Variants in CSNK2A2IP observed in about 807,000 individuals in gnomAD.
CSNK2A2IP encodes the protein casein kinase 2 subunit alpha' interacting protein.
chr3:88,457,212 C>T, the CSNK2A2IP span, among the ~76,000 whole-genome samples: 2 of 152,060 alleles, frequency 1.3e-5, no homozygotes, highest in Non-Finnish European at 2.9e-5. Context: ...GACTTTGACA[C>T]TTTTAAAGAG....
At chr3:88,349,166 C>T in the CSNK2A2IP span, among the ~76,000 whole-genome samples, 1 of 151,820 alleles carries the variant, frequency 6.6e-6, no homozygotes, top group African/African-American at 2.4e-5. Context: ...TTTGGGGGTG[C>T]AGGTGGTTTT....
chr3:88,427,668 G>T, the CSNK2A2IP span, among the ~76,000 whole-genome samples: 15 of 152,308 alleles, frequency 9.8e-5, no homozygotes, highest in South Asian at 2.9e-3. Context: ...GTGGGTTCAA[G>T]CCCCAAGCCT....
the CSNK2A2IP span, among the ~76,000 whole-genome samples, chr3:88,372,538 T>C: frequency 5.9e-5 from 9 of 151,394 alleles, no homozygotes; most frequent in African/African-American, 2.2e-4. Flanking sequence ...AAAAAATTTG[T>C]TTAACCCAAA....
At chr3:88,456,639 AT>A in the CSNK2A2IP span, among the ~76,000 whole-genome samples, 1 of 136,478 alleles carries the variant, frequency 7.3e-6, no homozygotes, top group African/African-American at 2.6e-5. Flanking sequence ...TGCAGAGACA[AT>A]TTTACTTCTT....
the CSNK2A2IP span, among the ~76,000 whole-genome samples, chr3:88,377,502 T>A: frequency 6.6e-6 from 1 of 151,836 alleles, no homozygotes; most frequent in Non-Finnish European, 1.5e-5. Flanking sequence ...ATTGCTTTTT[T>A]TTTTCAGATT....
At chr3:88,391,865 C>T in the CSNK2A2IP span, among the ~76,000 whole-genome samples, 1 of 152,026 alleles carries the variant, frequency 6.6e-6, no homozygotes, top group South Asian at 2.1e-4. Context: ...GTAACATGAT[C>T]ATATATGCAT....
chr3:88,347,675 G>T, the CSNK2A2IP span, among the ~76,000 whole-genome samples: 1 of 151,968 alleles, frequency 6.6e-6, no homozygotes, highest in Non-Finnish European at 1.5e-5. Flanking sequence ...ACATTATTTT[G>T]ACTCACTTTA....
chr3:88,340,596 G>C, the CSNK2A2IP span, among the ~76,000 whole-genome samples: 1 of 151,770 alleles, frequency 6.6e-6, no homozygotes, highest in Non-Finnish European at 1.5e-5. Context: ...ATGACCTGTG[G>C]GGCTTTCTTA....
chr3:88,466,368 A>G, the CSNK2A2IP span: 2 of 1,231,800 alleles, frequency 1.6e-6, no homozygotes, highest in Non-Finnish European at 2.0e-6. Context: ...CCACGAATTC[A>G]CCTGTCTGTC....
At chr3:88,396,335 G>C in the CSNK2A2IP span, among the ~76,000 whole-genome samples, 13 of 151,944 alleles carry the variant, frequency 8.6e-5, no homozygotes, top group African/African-American at 3.1e-4. Context: ...TCGATCTCCT[G>C]ACCTCGTGAT....
chr3:88,408,985 G>A, the CSNK2A2IP span, among the ~76,000 whole-genome samples: 3 of 152,022 alleles, frequency 2.0e-5, no homozygotes, highest in Non-Finnish European at 4.4e-5. Context: ...CCCAGGAATA[G>A]TGTAATTAGT....
chr3:88,365,478 C>A, the CSNK2A2IP span, among the ~76,000 whole-genome samples: 1 of 152,060 alleles, frequency 6.6e-6, no homozygotes, highest in Non-Finnish European at 1.5e-5. Context: ...TGAGGGACAC[C>A]TCATTTTATG....
At chr3:88,406,827 C>T in the CSNK2A2IP span, among the ~76,000 whole-genome samples, 6 of 152,228 alleles carry the variant, frequency 3.9e-5, no homozygotes, top group South Asian at 6.2e-4. Context: ...TCCATTCTTG[C>T]GGCAGACCGA....
At chr3:88,424,944 G>C in the CSNK2A2IP span, among the ~76,000 whole-genome samples, 1 of 151,966 alleles carries the variant, frequency 6.6e-6, no homozygotes, top group Non-Finnish European at 1.5e-5. Context: ...GAGGTTGACA[G>C]AACTGCAGAT....
At chr3:88,432,361 G>A in the CSNK2A2IP span, among the ~76,000 whole-genome samples, 1 of 151,618 alleles carries the variant, frequency 6.6e-6, no homozygotes, top group African/African-American at 2.4e-5. Flanking sequence ...ATACATATAA[G>A]CAGAAATAAA....
chr3:88,453,104 C>T, the CSNK2A2IP span, among the ~76,000 whole-genome samples: 1 of 152,074 alleles, frequency 6.6e-6, no homozygotes, highest in African/African-American at 2.4e-5. Flanking sequence ...CAAGATAAGC[C>T]TCAGATCAGA....
At chr3:88,402,332 A>G in the CSNK2A2IP span, among the ~76,000 whole-genome samples, 1 of 152,208 alleles carries the variant, frequency 6.6e-6, no homozygotes, top group South Asian at 2.1e-4. Context: ...GGTTGTATAA[A>G]TTGATGCAAG....
the CSNK2A2IP span, among the ~76,000 whole-genome samples, chr3:88,398,779 G>A: frequency 3.3e-5 from 5 of 152,262 alleles, no homozygotes; most frequent in East Asian, 9.7e-4. Flanking sequence ...TATATAGGGA[G>A]ACAGATAATT....
At chr3:88,409,864 C>G in the CSNK2A2IP span, among the ~76,000 whole-genome samples, 1 of 151,860 alleles carries the variant, frequency 6.6e-6, no homozygotes, top group South Asian at 2.1e-4. Flanking sequence ...ACAATAAAAA[C>G]TCAAATTATG....
Sources: gnomAD v4.1 joint callset for allele counts (sites outside exome capture counted in the v4.1 genomes callset) on GRCh38, gnomAD v4.1.1 for gene constraint, MANE v1.5 for transcripts, NCBI Gene and HGNC (gene_info 2026-07-23, HGNC 2026-07-21) for gene names.